The following MCTP1 variants were observed in gnomAD, a reference collection of about 807,000 sequenced individuals.
MCTP1 encodes multiple C2 and transmembrane domain-containing protein 1.
In MCTP1, 69 loss-of-function variants were observed where a neutral mutation model predicts 120.6. The ratio of observed to expected loss-of-function variants is 0.57; its 90% CI spans 0.47 to 0.70. MCTP1 has a LOEUF of 0.70. MCTP1 is among the 30% of genes least tolerant of loss of function. The probability of loss-of-function intolerance (pLI) is 0.00; values close to 1 mark genes in which losing one functional copy is unlikely to be tolerated. For missense variants in MCTP1, 1,203 were observed against 1,248.8 expected, an observed-to-expected ratio of 0.96 and a Z score of 0.55; for synonymous variants, 529 against 493.1, an observed-to-expected ratio of 1.07 and a Z score of -0.96.
chr5:94,932,734 T>C (rs1815118327), intron 5 of MCTP1, among the ~76,000 whole-genome samples: 1 of 152,060 alleles, frequency 6.6e-6, no homozygotes. Flanking sequence ...TTAACCTTCC[T>C]GATTAACCTC....
chr5:95,095,510 A>G (rs1163768730), intron 1 of MCTP1, among the ~76,000 whole-genome samples: 1 of 152,198 alleles, frequency 6.6e-6, no homozygotes, highest in Non-Finnish European at 1.5e-5. Flanking sequence ...TCAGAAGTCA[A>G]TAGGGGTTGG....
intron 1 of MCTP1, among the ~76,000 whole-genome samples, chr5:95,069,445 A>ATT (rs35164631): frequency 0.011 from 1,554 of 146,512 alleles, 11 homozygotes; most frequent in Middle Eastern, 0.021. Flanking sequence ...GGAGCATAGC[A>ATT]TTTTTTTTTT....
At chr5:95,253,928 A>G (rs554612171) in intron 1 of MCTP1, among the ~76,000 whole-genome samples, 4 of 152,222 alleles carry the variant, frequency 2.6e-5, no homozygotes, top group Non-Finnish European at 5.9e-5. Flanking sequence ...CAAAATACCT[A>G]TTATCATATT....
intron 1 of MCTP1, among the ~76,000 whole-genome samples, chr5:95,085,832 G>A (rs1355092663): frequency 6.6e-6 from 1 of 152,030 alleles, no homozygotes; most frequent in Non-Finnish European, 1.5e-5. Flanking sequence ...AAGTCTCAAT[G>A]TTTTAATTTG....
intron 1 of MCTP1, among the ~76,000 whole-genome samples, chr5:95,235,724 A>C (rs1312823305): frequency 1.3e-5 from 2 of 152,170 alleles, no homozygotes; most frequent in Non-Finnish European, 2.9e-5. Flanking sequence ...ATTCACCAAA[A>C]AAGGAAGAAG....
intron 2 of MCTP1, among the ~76,000 whole-genome samples, chr5:94,975,589 A>G (rs939650400): frequency 6.6e-6 from 1 of 151,870 alleles, no homozygotes; most frequent in Non-Finnish European, 1.5e-5. Context: ...TTTCGTTATA[A>G]CAGCCCAAGC....
intron 1 of MCTP1, among the ~76,000 whole-genome samples, chr5:95,101,744 T>G (rs1054632403): frequency 1.3e-5 from 2 of 152,232 alleles, no homozygotes; most frequent in Admixed American, 1.3e-4. Context: ...TGGAATGCCT[T>G]CTGCTGGTCA....
At chr5:94,871,194 G>T in intron 14 of MCTP1, 121 bp downstream of exon 14, 1 of 720,476 alleles carries the variant, frequency 1.4e-6, no homozygotes, top group Non-Finnish European at 2.4e-6. Flanking sequence ...AATTTTTAGT[G>T]TTCTTATTAC....
intron 17 of MCTP1, among the ~76,000 whole-genome samples, chr5:94,811,374 A>G (rs1783374587): frequency 6.6e-6 from 1 of 152,190 alleles, no homozygotes; most frequent in Non-Finnish European, 1.5e-5. Flanking sequence ...TTGTGTTTCA[A>G]TGGTAACAGA....
At chr5:95,018,642 C>T (rs1341074317) in intron 1 of MCTP1, among the ~76,000 whole-genome samples, 1 of 151,986 alleles carries the variant, frequency 6.6e-6, no homozygotes, top group Non-Finnish European at 1.5e-5. Flanking sequence ...AAAAAGAATT[C>T]ACTCCACCTT....
At chr5:94,763,208 T>C (rs1488400758) in intron 19 of MCTP1, among the ~76,000 whole-genome samples, 1 of 152,226 alleles carries the variant, frequency 6.6e-6, no homozygotes. Flanking sequence ...CCAGTCTGTG[T>C]CCAGTTGCCA....
intron 1 of MCTP1, among the ~76,000 whole-genome samples, chr5:95,125,739 A>T (rs1758573020): frequency 1.3e-5 from 2 of 152,242 alleles, no homozygotes; most frequent in African/African-American, 4.8e-5. Context: ...TACTTGGAAC[A>T]CAGTAAATGC....
intron 19 of MCTP1, among the ~76,000 whole-genome samples, chr5:94,764,866 G>T (rs2152866839): frequency 6.7e-6 from 1 of 148,816 alleles, no homozygotes; most frequent in East Asian, 2.0e-4. Context: ...AACAAACATT[G>T]GATTTAAACC....
intron 1 of MCTP1, among the ~76,000 whole-genome samples, chr5:95,035,994 G>C (rs1363663400): frequency 6.6e-6 from 1 of 152,034 alleles, no homozygotes; most frequent in African/African-American, 2.4e-5. Context: ...TATTGGACCT[G>C]AGAACAAGAC....
intron 17 of MCTP1, among the ~76,000 whole-genome samples, chr5:94,836,774 A>G (rs919415619): frequency 3.3e-5 from 5 of 152,174 alleles, no homozygotes; most frequent in African/African-American, 1.2e-4. Flanking sequence ...TCTTAGACAA[A>G]AGGGCAAGAT....
intron 12 of MCTP1, among the ~76,000 whole-genome samples, chr5:94,884,538 G>A (rs956780554): frequency 1.3e-5 from 2 of 149,836 alleles, no homozygotes; most frequent in African/African-American, 4.9e-5. Flanking sequence ...AGGGAACGCC[G>A]GACTGCGCAG....
At chr5:94,927,401 C>T (rs1813418880) in intron 6 of MCTP1, among the ~76,000 whole-genome samples, 1 of 152,008 alleles carries the variant, frequency 6.6e-6, no homozygotes, top group Non-Finnish European at 1.5e-5. Flanking sequence ...AAGTAAAAAT[C>T]TTTTAAAATA....
At chr5:95,062,675 C>T (rs536641361) in intron 1 of MCTP1, among the ~76,000 whole-genome samples, 1 of 152,278 alleles carries the variant, frequency 6.6e-6, no homozygotes, top group South Asian at 2.1e-4. Context: ...ACCCTCCAAG[C>T]CAGAACAATC....
Position 94,707,370 on chromosome 5 carries a change from T to G in MCTP1, c.*126A>C, listed in dbSNP as rs1754902028. 2 of 687,582 alleles carry G rather than the reference T, an allele frequency of 2.9e-6. No individual in the cohort carries two copies. The highest frequency in any genetic ancestry group is 5.4e-5 in the Admixed American group (2 of 36,908). The allele number at this position is 687,582 out of a possible 1,614,324, so 42.6% of individuals were successfully genotyped here. A position where few individuals can be genotyped will look rare whatever the true frequency, so the allele number is the denominator to read the frequency against. On this transcript the variant is annotated 3_prime_UTR_variant, in exon 23 of 23. Coordinates refer to ENST00000515393, the MANE Select transcript of MCTP1 (RefSeq NM_024717.7). ...TATGCCTTTGTACACTATTTACAGA[T>G]TCTCTCGATCATGATAAAAAGGCAA...
Sources: gnomAD v4.1 joint callset for allele counts (sites outside exome capture counted in the v4.1 genomes callset) on GRCh38, gnomAD v4.1.1 for gene constraint, MANE v1.5 for transcripts, NCBI Gene and HGNC (gene_info 2026-07-23, HGNC 2026-07-21) for gene names.